Variants in GPC5 observed in about 807,000 individuals in gnomAD.
GPC5 encodes glypican-5.
Under a neutral mutation model 53.9 loss-of-function variants are expected in GPC5, and 47 were observed. That is an observed-to-expected ratio of 0.87 (90% confidence interval 0.69 to 1.11). GPC5 has a LOEUF of 1.11. Ranked by LOEUF, GPC5 falls within the 50% of genes most tolerant of loss-of-function variation. The pLI is 0.00. For missense variants in GPC5, 748 were observed against 713.1 expected (o/e 1.05, Z -0.56); for synonymous variants, 286 against 263.3 (o/e 1.09, Z -0.84).
intron 7 of GPC5, among the ~76,000 whole-genome samples, chr13:92,391,073 T>C (rs1266775910): frequency 2.0e-5 from 3 of 152,174 alleles, no homozygotes; most frequent in Non-Finnish European, 4.4e-5. Context: ...TAATTTGCTT[T>C]GTATAAACAA....
Position 91,571,892 on chromosome 13 carries a change from TATATACACATA to T in GPC5, c.326-121294_326-121284del, listed in dbSNP as rs1412437534. Among the ~76,000 whole-genome samples, 48 of 73,018 alleles carry T rather than the reference TATATACACATA, an allele frequency of 6.6e-4. 1 individual carries two copies. Among genetic ancestry groups the T allele is most frequent in the South Asian group, 1.9e-3 (5 of 2,620 alleles). The allele number at this position is 73,018 out of a possible 152,430, so 47.9% of individuals were successfully genotyped here. On this transcript the variant is annotated intron_variant, in intron 2 of 7. Transcript: ENST00000377067. ...GTATATATACACACATATACGTGTG[TATATACACATA>T]TTGTATATATACACATATTGTATAT...
At chr13:92,461,461 G>A (rs531589321) in intron 7 of GPC5, among the ~76,000 whole-genome samples, 9 of 152,230 alleles carry the variant, frequency 5.9e-5, no homozygotes, top group Admixed American at 3.9e-4. Flanking sequence ...AAAGTAATAC[G>A]GATTGTGGAA....
At chr13:91,558,549 C>G (rs2031083938) in intron 2 of GPC5, among the ~76,000 whole-genome samples, 1 of 152,004 alleles carries the variant, frequency 6.6e-6, no homozygotes, top group African/African-American at 2.4e-5. Context: ...GTTCTGGATC[C>G]AGTGTGATCC....
At chr13:91,519,003 C>T (rs993814311) in intron 2 of GPC5, among the ~76,000 whole-genome samples, 3 of 152,164 alleles carry the variant, frequency 2.0e-5, no homozygotes, top group African/African-American at 7.2e-5. Context: ...ATTTTACTAT[C>T]CTGGAGATCT....
intron 7 of GPC5, among the ~76,000 whole-genome samples, chr13:92,853,014 G>C (rs142647417): frequency 2.1e-3 from 322 of 152,234 alleles, no homozygotes; most frequent in Non-Finnish European, 3.4e-3. Context: ...GCACATCAGA[G>C]TTAGAGTTTC....
chr13:92,764,482 C>T (rs1001149570), intron 7 of GPC5, among the ~76,000 whole-genome samples: 1 of 152,230 alleles, frequency 6.6e-6, no homozygotes, highest in Non-Finnish European at 1.5e-5. Context: ...CAACTGGAAT[C>T]AGTCCCTATG....
At chr13:91,905,670 A>G (rs1356265960) in intron 5 of GPC5, among the ~76,000 whole-genome samples, 3 of 152,122 alleles carry the variant, frequency 2.0e-5, no homozygotes, top group Admixed American at 1.3e-4. Context: ...CCCCTTTAAT[A>G]TAGCCATAAT....
chr13:92,453,391 A>G (rs1878141769), intron 7 of GPC5, among the ~76,000 whole-genome samples: 1 of 152,178 alleles, frequency 6.6e-6, no homozygotes, highest in East Asian at 1.9e-4. Context: ...TGGTATGAAC[A>G]TTAACATGGA....
At chr13:92,115,688 G>C (rs1050114163) in intron 6 of GPC5, among the ~76,000 whole-genome samples, 1 of 152,096 alleles carries the variant, frequency 6.6e-6, no homozygotes, top group Non-Finnish European at 1.5e-5. Flanking sequence ...TGGTATTTCA[G>C]GTAGATCCAC....
intron 2 of GPC5, among the ~76,000 whole-genome samples, chr13:91,622,157 A>T (rs923766264): frequency 1.3e-5 from 2 of 151,910 alleles, no homozygotes; most frequent in Admixed American, 6.6e-5. Flanking sequence ...GGGTAGGTCT[A>T]CCTCTCCCAG....
At chr13:92,429,247 A>G (rs970098027) in intron 7 of GPC5, among the ~76,000 whole-genome samples, 1 of 152,004 alleles carries the variant, frequency 6.6e-6, no homozygotes, top group Admixed American at 6.6e-5. Flanking sequence ...TAATTGTGAC[A>G]TTTTATTCAT....
At chr13:92,749,633 T>C (rs999271591) in intron 7 of GPC5, among the ~76,000 whole-genome samples, 33 of 152,174 alleles carry the variant, frequency 2.2e-4, no homozygotes, top group African/African-American at 7.5e-4. Context: ...AATAATAATA[T>C]GCTTCTGTTG....
At chr13:92,639,985 T>C (rs1405062874) in intron 7 of GPC5, among the ~76,000 whole-genome samples, 1 of 151,502 alleles carries the variant, frequency 6.6e-6, no homozygotes, top group African/African-American at 2.4e-5. Flanking sequence ...TCTCTCTCTC[T>C]CTCTCACTCT....
intron 6 of GPC5, among the ~76,000 whole-genome samples, chr13:92,106,037 G>A (rs2041506867): frequency 6.6e-6 from 1 of 151,956 alleles, no homozygotes; most frequent in African/African-American, 2.4e-5. Flanking sequence ...ATGTACCAGT[G>A]ATTCATTCCT....
At chr13:91,767,372 T>A (rs2037544729) in intron 5 of GPC5, among the ~76,000 whole-genome samples, 1 of 152,198 alleles carries the variant, frequency 6.6e-6, no homozygotes, top group African/African-American at 2.4e-5. Context: ...GATACAAAGA[T>A]AAAGCACTAT....
At chr13:92,137,686 T>C (rs7319367) in intron 6 of GPC5, among the ~76,000 whole-genome samples, 87,167 of 151,952 alleles carry the variant, frequency 0.57, 25,361 homozygotes, top group Non-Finnish European at 0.61. Flanking sequence ...AGTGCAGTGA[T>C]GCAATCATGG....
intron 5 of GPC5, among the ~76,000 whole-genome samples, chr13:91,831,675 GA>G (rs148023706): frequency 6.7e-5 from 10 of 148,682 alleles, no homozygotes; most frequent in East Asian, 3.9e-4. Flanking sequence ...CTAAAACTTT[GA>G]AAAAAAAAGG....
chr13:91,947,225 T>C (rs906723047), intron 6 of GPC5, among the ~76,000 whole-genome samples: 5 of 152,190 alleles, frequency 3.3e-5, no homozygotes, highest in Non-Finnish European at 5.9e-5. Flanking sequence ...TCCTTATTCA[T>C]ACTGAGGATT....
At chr13:92,666,769 T>A (rs1418096875) in intron 7 of GPC5, among the ~76,000 whole-genome samples, 1 of 152,220 alleles carries the variant, frequency 6.6e-6, no homozygotes, top group African/African-American at 2.4e-5. Context: ...GAATTACATA[T>A]ATTTCTTAAA....
Sources: allele counts gnomAD v4.1 joint callset (sites outside exome capture counted in the v4.1 genomes callset), GRCh38; gene constraint gnomAD v4.1.1; transcripts MANE v1.5; gene names NCBI Gene and HGNC (gene_info 2026-07-23, HGNC 2026-07-21).